Variants in CSMD3 observed in about 807,000 individuals in gnomAD.
CSMD3 encodes CUB and sushi domain-containing protein 3.
A neutral mutation model predicts 435.2 loss-of-function variants in CSMD3; 177 were observed. The ratio of observed to expected loss-of-function variants is 0.41; its 90% CI spans 0.36 to 0.46. CSMD3 has a LOEUF of 0.46. CSMD3 is among the 20% of genes least tolerant of loss of function. The probability of loss-of-function intolerance (pLI) is 0.34; values close to 1 mark genes in which losing one functional copy is unlikely to be tolerated. For missense variants in CSMD3, 4,265 were observed against 4,504.6 expected (o/e 0.95, Z 1.52); for synonymous variants, 1,656 against 1,520.5 (o/e 1.09, Z -2.07).
intron 11 of CSMD3, among the ~76,000 whole-genome samples, chr8:112,845,312 T>C (rs1360543154): frequency 6.6e-6 from 1 of 152,064 alleles, no homozygotes; most frequent in Non-Finnish European, 1.5e-5. Flanking sequence ...AAGTACAATG[T>C]AATGTGACAA....
intron 4 of CSMD3, among the ~76,000 whole-genome samples, chr8:113,135,448 C>T (rs1400146322): frequency 1.3e-5 from 2 of 151,676 alleles, no homozygotes; most frequent in Non-Finnish European, 2.9e-5. Flanking sequence ...TGTGCTCCTA[C>T]ATATGAGTTG....
rs3039663 is a variant in CSMD3 at position 112,741,794 on chromosome 8, AAGATAGAT to A, written c.1973-51752_1973-51745del. Among the ~76,000 whole-genome samples the A allele has an allele frequency of 1.4e-3, 208 of 149,468 alleles. 1 individual carries two copies. Among genetic ancestry groups the A allele is most frequent in the Middle Eastern group, 3.4e-3 (1 of 294 alleles). ...AGATGATAGATAGATAGATAGAGAG[AAGATAGAT>A]AGATAGATAGATAGATAGATAGATA... On this transcript the variant is annotated intron_variant, in intron 13 of 70. Coordinates refer to ENST00000297405, the MANE Select transcript of CSMD3 (RefSeq NM_198123.2).
At chr8:112,355,106 A>C (rs1826469094) in intron 38 of CSMD3, among the ~76,000 whole-genome samples, 2 of 152,150 alleles carry the variant, frequency 1.3e-5, no homozygotes, top group South Asian at 4.1e-4. Context: ...ATGGGGAAAG[A>C]ACTCTATTTA....
chr8:113,079,776 C>A, intron 5 of CSMD3, among the ~76,000 whole-genome samples: 1 of 152,246 alleles, frequency 6.6e-6, no homozygotes, highest in Admixed American at 6.5e-5. Context: ...GTCACAGAAA[C>A]CAGTGCTTCT....
chr8:112,347,714 A>T (rs1825797670), intron 40 of CSMD3, among the ~76,000 whole-genome samples: 1 of 152,194 alleles, frequency 6.6e-6, no homozygotes, highest in African/African-American at 2.4e-5. Context: ...TGAAGTTAGT[A>T]TTTACCAATT....
intron 13 of CSMD3, among the ~76,000 whole-genome samples, chr8:112,723,163 T>C (rs1184594781): frequency 1.3e-5 from 2 of 152,158 alleles, no homozygotes; most frequent in Non-Finnish European, 2.9e-5. Context: ...TTTGCATAGC[T>C]TGGAGTAGAT....
At chr8:113,299,767 G>C (rs2093750121) in intron 2 of CSMD3, among the ~76,000 whole-genome samples, 1 of 152,140 alleles carries the variant, frequency 6.6e-6, no homozygotes, top group Admixed American at 6.5e-5. Flanking sequence ...AGCTGAGGTG[G>C]ATGGATCACT....
chr8:113,144,000 C>T (rs1030486595), intron 4 of CSMD3, among the ~76,000 whole-genome samples: 3 of 151,026 alleles, frequency 2.0e-5, no homozygotes, highest in African/African-American at 7.3e-5. Context: ...CACGTGAATC[C>T]ACAATTATCT....
At chr8:113,371,473 T>A (rs60804126) in intron 1 of CSMD3, among the ~76,000 whole-genome samples, 16,280 of 152,188 alleles carry the variant, frequency 0.11, 935 homozygotes, top group Middle Eastern at 0.17. Context: ...GAGGTACAAT[T>A]ATTATACATT....
At chr8:112,851,511 G>A (rs2080486563) in intron 11 of CSMD3, among the ~76,000 whole-genome samples, 2 of 151,994 alleles carry the variant, frequency 1.3e-5, no homozygotes, top group Non-Finnish European at 2.9e-5. Context: ...TCATGCCTGC[G>A]ATCCCAGCAC....
At chr8:112,277,018 C>G (rs1177247744) in intron 59 of CSMD3, among the ~76,000 whole-genome samples, 1 of 152,074 alleles carries the variant, frequency 6.6e-6, no homozygotes, top group Non-Finnish European at 1.5e-5. Context: ...GGAGCTGCCA[C>G]AGACTTCTCT....
In CSMD3 at chr8:112,391,517, C is replaced by T. The variant is rs936628633; in HGVS notation, c.5810-729G>A. ...GACCAGCCTGGCCAATATGGTGAAA[C>T]CCCGTCTCTACTAAAAATACAAAAA... On this transcript the variant is annotated intron_variant, in intron 35 of 70. Transcript: ENST00000297405. Among the ~76,000 whole-genome samples, 37 of 152,008 alleles carry T rather than the reference C, an allele frequency of 2.4e-4. 2 individuals carry two copies.
At chr8:113,049,866 A>G (rs1162346651) in intron 5 of CSMD3, among the ~76,000 whole-genome samples, 3 of 152,162 alleles carry the variant, frequency 2.0e-5, no homozygotes, top group Non-Finnish European at 4.4e-5. Context: ...ATGATATATA[A>G]TAGGATATAT....
chr8:113,434,319 A>T (rs553320034), intron 1 of CSMD3, among the ~76,000 whole-genome samples: 1 of 152,230 alleles, frequency 6.6e-6, no homozygotes, highest in African/African-American at 2.4e-5. Context: ...TGGACCTCAC[A>T]TTCCAGAAGA....
At chr8:113,328,231 G>A (rs998003392) in intron 1 of CSMD3, among the ~76,000 whole-genome samples, 1 of 151,730 alleles carries the variant, frequency 6.6e-6, no homozygotes, top group Non-Finnish European at 1.5e-5. Flanking sequence ...GAGGTCAGGA[G>A]ATCGAGACCA....
At chr8:113,132,415 G>T (rs995910420) in intron 4 of CSMD3, among the ~76,000 whole-genome samples, 1 of 152,042 alleles carries the variant, frequency 6.6e-6, no homozygotes, top group African/African-American at 2.4e-5. Context: ...ATGGGTACAG[G>T]TTTCCCCCTT....
chr8:112,624,960 C>T (rs1834361790), intron 22 of CSMD3, among the ~76,000 whole-genome samples: 1 of 151,180 alleles, frequency 6.6e-6, no homozygotes, highest in African/African-American at 2.4e-5. Context: ...TTTGTTTTTG[C>T]TTTTAGGAGA....
At chr8:112,275,862 A>C (rs545041485) in intron 59 of CSMD3, among the ~76,000 whole-genome samples, 1 of 152,256 alleles carries the variant, frequency 6.6e-6, no homozygotes, top group African/African-American at 2.4e-5. Context: ...GCCAAACCAT[A>C]TTATTCCAAG....
rs146844171 is a variant in CSMD3, at chr8:112,237,792, G to T, written c.10469-444C>A. 9.3e-4 allele frequency among the ~76,000 whole-genome samples: 142 copies of T among 152,198 alleles called. 2 individuals carry two copies. The East Asian group carries it at 0.021, about 23-fold the overall frequency. ...GAGGAATAGCAAAGAGAAAGGTCCT[G>T]CAAAATTATCATGAGACAGTGCTTC... On this transcript the variant is annotated intron_variant, in intron 66 of 70. Transcript: ENST00000297405.
Sources: allele counts gnomAD v4.1 joint callset (sites outside exome capture counted in the v4.1 genomes callset), GRCh38; gene constraint gnomAD v4.1.1; transcripts MANE v1.5; gene names NCBI Gene and HGNC (gene_info 2026-07-23, HGNC 2026-07-21).